DSCAML1: variants seen among roughly 807,000 people sequenced by gnomAD.
DSCAML1 encodes the protein cell adhesion molecule DSCAML1.
In DSCAML1, 38 loss-of-function variants were observed where a neutral mutation model predicts 200.5. That is an observed-to-expected ratio of 0.19 (90% confidence interval 0.15 to 0.25). The LOEUF (loss-of-function observed/expected upper bound fraction) is 0.25, where lower values mean the gene tolerates loss of function less well. DSCAML1 is among the 10% of genes least tolerant of loss of function. The probability of loss-of-function intolerance (pLI) is 1.00; values close to 1 mark genes in which losing one functional copy is unlikely to be tolerated. For missense variants in DSCAML1, 2,223 were observed against 2,858.8 expected, an observed-to-expected ratio of 0.78 and a Z score of 5.07; for synonymous variants, 1,215 against 1,165.0, an observed-to-expected ratio of 1.04 and a Z score of -0.87.
At position 117,546,362 on chromosome 11, in the gene DSCAML1, G is replaced by A. The variant is rs532615704; in HGVS notation, c.512-13840C>T. The stretch of plus-strand genomic sequence containing the variant: ...TTTCCTGTGACAATTACCAGTTAAC[G>A]AGTGCACCCAGCGCAGTGCCTGGTA... On this transcript the variant is annotated intron_variant, in intron 3 of 32. Coordinates refer to ENST00000651296, the MANE Select transcript of DSCAML1 (RefSeq NM_020693.4). Among the ~76,000 whole-genome samples, 52 of 152,346 alleles carry A rather than the reference G, an allele frequency of 3.4e-4. No homozygotes were observed. The South Asian group carries it at 8.1e-3, about 24-fold the overall frequency.
chr11:117,703,193 T>C (rs2053698648), intron 3 of DSCAML1, among the ~76,000 whole-genome samples: 1 of 152,164 alleles, frequency 6.6e-6, no homozygotes, highest in Admixed American at 6.5e-5. Context: ...ACCAGTGATT[T>C]TGAAGGAATA....
intron 3 of DSCAML1, among the ~76,000 whole-genome samples, chr11:117,767,973 C>T (rs2054929038): frequency 6.6e-6 from 1 of 152,164 alleles, no homozygotes; most frequent in Admixed American, 6.5e-5. Context: ...CCTCTCACTC[C>T]TCTTCTGCCT....
intron 3 of DSCAML1, among the ~76,000 whole-genome samples, chr11:117,674,950 G>A (rs573910914): frequency 2.6e-5 from 4 of 152,288 alleles, no homozygotes; most frequent in African/African-American, 9.6e-5. Flanking sequence ...ATTTGTGCAA[G>A]GTAAAATATC....
intron 20 of DSCAML1, among the ~76,000 whole-genome samples, chr11:117,444,385 C>T (rs1350992959): frequency 6.6e-6 from 1 of 152,008 alleles, no homozygotes; most frequent in East Asian, 1.9e-4. Context: ...ACAGGGGGTC[C>T]CAGGAAAGCC....
intron 3 of DSCAML1, among the ~76,000 whole-genome samples, chr11:117,676,409 C>T (rs1379374860): frequency 3.9e-5 from 6 of 152,206 alleles, no homozygotes; most frequent in African/African-American, 1.2e-4. Flanking sequence ...TGGCTCTGGA[C>T]ACCTGTGGGG....
intron 3 of DSCAML1, among the ~76,000 whole-genome samples, chr11:117,547,512 T>C (rs1308006017): frequency 1.3e-5 from 2 of 152,108 alleles, no homozygotes; most frequent in Non-Finnish European, 2.9e-5. Context: ...CACTGAGCAG[T>C]TGGGATTGTT....
At chr11:117,764,814 G>A (rs967523432) in intron 3 of DSCAML1, among the ~76,000 whole-genome samples, 1 of 152,176 alleles carries the variant, frequency 6.6e-6, no homozygotes, top group Admixed American at 6.5e-5. Flanking sequence ...CCACTATGAG[G>A]GGTGGTGAAG....
chr11:117,526,120 G>C (rs2049973421), intron 4 of DSCAML1, among the ~76,000 whole-genome samples: 1 of 152,210 alleles, frequency 6.6e-6, no homozygotes, highest in Non-Finnish European at 1.5e-5. Context: ...TGTCCTGTCG[G>C]CCCTCTCAGG....
chr11:117,722,448 T>TCTAGTGCGCTAAAGCTCTGTAAGGTG (rs2054056982), intron 3 of DSCAML1, among the ~76,000 whole-genome samples: 1 of 152,220 alleles, frequency 6.6e-6, no homozygotes, highest in South Asian at 2.1e-4. Flanking sequence ...AGGAAAGAGT[T>TCTAGTGCGCTAAAGCTCTGTAAGGTG]CTAGTGCGCT....
chr11:117,674,217 G>C (rs961006534), intron 3 of DSCAML1, among the ~76,000 whole-genome samples: 2 of 152,226 alleles, frequency 1.3e-5, no homozygotes, highest in Admixed American at 6.5e-5. Context: ...GAGCCCTGGT[G>C]TGTGCCTGGC....
chr11:117,484,338 AC>A (rs2048994397), intron 11 of DSCAML1, among the ~76,000 whole-genome samples: 1 of 152,118 alleles, frequency 6.6e-6, no homozygotes, highest in South Asian at 2.1e-4. Flanking sequence ...CCGAAGTCAC[AC>A]CACACAGCAA....
chr11:117,600,332 C>A (rs1163957778), intron 3 of DSCAML1, among the ~76,000 whole-genome samples: 3 of 152,170 alleles, frequency 2.0e-5, no homozygotes, highest in Non-Finnish European at 4.4e-5. Flanking sequence ...GTGGTAACAT[C>A]TTGCAGGCAC....
intron 3 of DSCAML1, among the ~76,000 whole-genome samples, chr11:117,756,779 G>A (rs532124562): frequency 6.6e-6 from 1 of 151,996 alleles, no homozygotes; most frequent in Non-Finnish European, 1.5e-5. Context: ...GACCAAGGAG[G>A]GGGTGATGGC....
At chr11:117,619,923 T>C (rs2051891034) in intron 3 of DSCAML1, among the ~76,000 whole-genome samples, 1 of 152,210 alleles carries the variant, frequency 6.6e-6, no homozygotes. Flanking sequence ...GACTCTTCTA[T>C]GTATTAGCTT....
chr11:117,516,808 G>A lies in DSCAML1; in HGVS notation c.1511-69C>T. ...TGCTGCTGTCAGCCAGGGACAGCCA[G>A]GCACCACCCTGCGGTGCTCTTCTCA... On this transcript the variant is annotated intron_variant, in intron 7 of 32. Coordinates refer to ENST00000651296, the MANE Select transcript of DSCAML1 (RefSeq NM_020693.4). The surrounding 1 kb of genome is among the most constrained non-coding windows in gnomAD (Gnocchi z 5.7). 1 of 1,550,120 alleles carries A rather than the reference G, an allele frequency of 6.5e-7. No homozygotes were observed. Among genetic ancestry groups the A allele is most frequent in the East Asian group, 2.3e-5 (1 of 44,266 alleles).
chr11:117,554,367 C>CTATTATT (rs1027559817), intron 3 of DSCAML1, among the ~76,000 whole-genome samples: 1 of 150,978 alleles, frequency 6.6e-6, no homozygotes, highest in African/African-American at 2.4e-5. Context: ...ACATTTTATT[C>CTATTATT]TATTATTTAT....
rs1193653873 is a variant in DSCAML1 at position 117,642,633 on chromosome 11, C to G, written c.512-110111G>C. Among the ~76,000 whole-genome samples, 1 of 152,250 alleles carries G rather than the reference C, an allele frequency of 6.6e-6. No homozygotes were observed. The highest frequency in any genetic ancestry group is 2.4e-5 in the African/African-American group (1 of 41,468). On this transcript the variant is annotated intron_variant, in intron 3 of 32. Transcript: ENST00000651296. The surrounding 1 kb of genome is among the most constrained non-coding windows in gnomAD (Gnocchi z 4.1). ...GCAGTGCCTGAGGGAGCCCTTCCAT[C>G]CCTGCCCATAGTTGCAGTGGCCCAG... is the stretch of plus-strand genomic sequence containing the variant.
intron 3 of DSCAML1, among the ~76,000 whole-genome samples, chr11:117,691,900 C>T (rs1031117391): frequency 2.0e-5 from 3 of 152,106 alleles, no homozygotes; most frequent in Admixed American, 6.5e-5. Context: ...GGGGGCCTTA[C>T]TGCAGGAGGG....
chr11:117,750,121 A>G (rs1167362293), intron 3 of DSCAML1, among the ~76,000 whole-genome samples: 1 of 152,154 alleles, frequency 6.6e-6, no homozygotes, highest in Admixed American at 6.5e-5. Flanking sequence ...CACTCGGGAA[A>G]TGTTGGGTAA....
Sources: gnomAD v4.1 joint callset for allele counts (sites outside exome capture counted in the v4.1 genomes callset) on GRCh38, gnomAD v4.1.1 for gene constraint, Gnocchi (gnomAD v3.1) non-coding constraint, MANE v1.5 for transcripts, NCBI Gene and HGNC (gene_info 2026-07-23, HGNC 2026-07-21) for gene names.